CDH20: variants seen among roughly 807,000 people sequenced by gnomAD.
CDH20 encodes the protein cadherin-20.
In CDH20, 29 loss-of-function variants were observed where a neutral mutation model predicts 74.2. The observed-to-expected ratio is 0.39, with a 90% confidence interval of 0.29 to 0.53. The LOEUF (loss-of-function observed/expected upper bound fraction) is 0.53. Ranked by LOEUF, CDH20 falls within the 20% of genes least tolerant of loss-of-function variation. The pLI is 0.69. For synonymous variants in CDH20, 469 were observed against 405.4 expected, an observed-to-expected ratio of 1.16 and a Z score of -1.88; for missense variants, 988 against 1,048.3, an observed-to-expected ratio of 0.94 and a Z score of 0.79.
At chr18:61,379,801 A>G (rs1035552027) in intron 1 of CDH20, among the ~76,000 whole-genome samples, 8 of 152,180 alleles carry the variant, frequency 5.3e-5, no homozygotes, top group African/African-American at 1.9e-4. Context: ...CATACATGAG[A>G]TAACTATTAC....
intron 1 of CDH20, among the ~76,000 whole-genome samples, chr18:61,401,738 A>C (rs867430698): frequency 1.3e-5 from 2 of 152,212 alleles, no homozygotes; most frequent in African/African-American, 4.8e-5. Context: ...TTTATTAATA[A>C]ATTAAAACAC....
intron 8 of CDH20, among the ~76,000 whole-genome samples, chr18:61,536,927 T>C (rs970249822): frequency 2.0e-5 from 3 of 152,186 alleles, no homozygotes; most frequent in Non-Finnish European, 1.5e-5. Flanking sequence ...TAACAGGCTT[T>C]CAATCTTTAA....
rs1325482981 is a variant in CDH20 at position 61,545,064 on chromosome 18, C to G, written c.1568C>G (p.Pro523Arg). ...QTVSAVDQDD[P>R]RNGQHFYYSL... ...GTGAGTGCGGTGGACCAAGATGACC[C>G]ACGCAATGGTCAGCATTTCTACTAC... The change falls in exon 10 of 12, where the codon CCA becomes CGA. Residue 523 changes from proline to arginine, a missense_variant. Pro to Arg is a moderately radical substitution (Grantham distance 103). Around this residue, in one of 2 missense-constraint regions of CDH20, gnomAD observed 613 missense variants for 755.2 expected, o/e 0.81. Transcript: ENST00000262717. 6.2e-7 allele frequency: 1 copy of G among 1,613,750 alleles called. No individual in the cohort carries two copies. Among genetic ancestry groups the G allele is most frequent in the East Asian group, 2.2e-5 (1 of 44,876 alleles).
intron 1 of CDH20, among the ~76,000 whole-genome samples, chr18:61,358,800 T>G (rs528429660): frequency 0.019 from 2,884 of 152,320 alleles, 41 homozygotes; most frequent in Non-Finnish European, 0.031. Context: ...TAAGCATGAT[T>G]TTTTTGGTCA....
At chr18:61,470,903 C>A (rs1003122071) in intron 1 of CDH20, among the ~76,000 whole-genome samples, 1 of 151,988 alleles carries the variant, frequency 6.6e-6, no homozygotes, top group Non-Finnish European at 1.5e-5. Context: ...CCCTCTCTCT[C>A]CCTCCACTAA....
rs140933367 is a variant in CDH20 at position 61,499,773 on chromosome 18, A to G, written c.541+293A>G. Among the ~76,000 whole-genome samples the G allele has an allele frequency of 3.0e-3, 452 of 152,274 alleles. 4 individuals carry two copies. Among genetic ancestry groups the G allele is most frequent in the African/African-American group, 0.01 (420 of 41,566 alleles). On this transcript the variant is annotated intron_variant, in intron 3 of 11. Transcript: ENST00000262717. ...AATATTAGCTAGACAGATTTGTTTC[A>G]TAAGGGAGAAATATTTTGTTATTAT... is the stretch of plus-strand genomic sequence containing the variant.
chr18:61,399,722 G>T, intron 1 of CDH20, among the ~76,000 whole-genome samples: 1 of 152,052 alleles, frequency 6.6e-6, no homozygotes. Context: ...TTCAGTCTCA[G>T]GGATCAACTT....
chr18:61,473,683 T>C (rs1171708064), intron 1 of CDH20, among the ~76,000 whole-genome samples: 1 of 152,218 alleles, frequency 6.6e-6, no homozygotes, highest in African/African-American at 2.4e-5. Flanking sequence ...ACATGGTATT[T>C]ACATATCAGA....
chr18:61,334,061 C>T (rs1394014432), intron 1 of CDH20, among the ~76,000 whole-genome samples: 1 of 152,118 alleles, frequency 6.6e-6, no homozygotes, highest in Non-Finnish European at 1.5e-5. Flanking sequence ...GGGAGCTGCT[C>T]TCTGGAAGCA....
At chr18:61,533,509 A>T (rs991371235) in intron 7 of CDH20, among the ~76,000 whole-genome samples, 7 of 152,168 alleles carry the variant, frequency 4.6e-5, no homozygotes, top group Admixed American at 3.9e-4. Context: ...CTTGTTATTG[A>T]GTTATTTATA....
intron 1 of CDH20, among the ~76,000 whole-genome samples, chr18:61,382,888 G>A (rs969064175): frequency 6.6e-6 from 1 of 152,160 alleles, no homozygotes; most frequent in Non-Finnish European, 1.5e-5. Flanking sequence ...TAAGGCAGGA[G>A]GAAAGAATAT....
At chr18:61,350,599 C>T (rs962682423) in intron 1 of CDH20, among the ~76,000 whole-genome samples, 6 of 152,080 alleles carry the variant, frequency 3.9e-5, no homozygotes, top group African/African-American at 7.2e-5. Flanking sequence ...GTGAACTGCC[C>T]GCTAAATAGG....
intron 1 of CDH20, among the ~76,000 whole-genome samples, chr18:61,429,425 T>C (rs560983440): frequency 1.3e-5 from 2 of 152,268 alleles, no homozygotes; most frequent in African/African-American, 4.8e-5. Context: ...TTTGTGTGTG[T>C]TTTCTGACCT....
intron 7 of CDH20, among the ~76,000 whole-genome samples, chr18:61,532,944 G>A (rs1219845616): frequency 6.6e-6 from 1 of 152,004 alleles, no homozygotes; most frequent in African/African-American, 2.4e-5. Context: ...CATAAAGATG[G>A]CTTCAAGTCT....
chr18:61,378,498 G>C (rs1911323370), intron 1 of CDH20, among the ~76,000 whole-genome samples: 1 of 152,184 alleles, frequency 6.6e-6, no homozygotes, highest in East Asian at 1.9e-4. Context: ...GCGTTGGACA[G>C]AGCAAGCTGC....
chr18:61,483,454 T>C (rs1910658988), intron 1 of CDH20, among the ~76,000 whole-genome samples: 1 of 152,162 alleles, frequency 6.6e-6, no homozygotes, highest in African/African-American at 2.4e-5. Context: ...GTGGAATCCT[T>C]GTAAGGATTA....
chr18:61,367,116 CTT>C (rs1910888030), intron 1 of CDH20, among the ~76,000 whole-genome samples: 1 of 152,136 alleles, frequency 6.6e-6, no homozygotes, highest in African/African-American at 2.4e-5. Context: ...AAGGTGCACA[CTT>C]TTAAAACATT....
intron 1 of CDH20, chr18:61,405,277 C>T (rs1912294679): frequency 2.3e-5 from 8 of 352,018 alleles, no homozygotes; most frequent in South Asian, 1.7e-4. Flanking sequence ...CGAGAAAGGC[C>T]ATTGTCAACT....
At chr18:61,469,443 G>A (rs894077721) in intron 1 of CDH20, among the ~76,000 whole-genome samples, 3 of 151,598 alleles carry the variant, frequency 2.0e-5, no homozygotes, top group Non-Finnish European at 4.4e-5. Flanking sequence ...TACAGACTGG[G>A]TTGTCACACA....
Sources: allele counts gnomAD v4.1 joint callset (sites outside exome capture counted in the v4.1 genomes callset), GRCh38; gene constraint gnomAD v4.1.1; regional missense constraint gnomAD v4.1.1; transcripts MANE v1.5; gene names NCBI Gene and HGNC (gene_info 2026-07-23, HGNC 2026-07-21).